The following REC114 variants were observed in gnomAD, a reference collection of about 807,000 sequenced individuals.
The protein encoded by REC114 is REC114 meiotic recombination protein.
A neutral mutation model predicts 31.3 loss-of-function variants in REC114; 27 were observed. The observed-to-expected ratio is 0.86, with a 90% CI of 0.64 to 1.19. The LOEUF is 1.19. Ranked by LOEUF, REC114 falls within the 50% of genes most tolerant of loss-of-function variation. REC114 has a pLI of 0.00. For missense variants in REC114, 344 were observed against 326.9 expected (o/e 1.05, Z -0.40); for synonymous variants, 134 against 127.7 (o/e 1.05, Z -0.33).
At chr15:73,455,509 A>G (rs549718789) in intron 1 of REC114, among the ~76,000 whole-genome samples, 1 of 152,264 alleles carries the variant, frequency 6.6e-6, no homozygotes, top group Non-Finnish European at 1.5e-5. Context: ...AAAAATGTCA[A>G]CTCAAGAGAA....
chr15:73,514,305 C>T (rs9707924), intron 2 of REC114, among the ~76,000 whole-genome samples: 7 of 151,698 alleles, frequency 4.6e-5, no homozygotes, highest in Non-Finnish European at 1.5e-5. Context: ...CTTCGGCTCG[C>T]GCACGGTGCG....
intron 2 of REC114, 77 bp downstream of exon 2, chr15:73,473,998 A>G: frequency 1.1e-6 from 1 of 910,152 alleles, no homozygotes; most frequent in Admixed American, 2.2e-5. Flanking sequence ...TTGTATCCTC[A>G]AGCTTCTTCA....
intron 1 of REC114, among the ~76,000 whole-genome samples, chr15:73,451,095 C>G (rs1393123202): frequency 2.0e-5 from 3 of 152,082 alleles, no homozygotes; most frequent in Non-Finnish European, 1.5e-5. Context: ...CAAGAGCAAA[C>G]AAATTCAAAA....
intron 2 of REC114, among the ~76,000 whole-genome samples, chr15:73,496,045 A>C (rs768635072): frequency 2.6e-5 from 4 of 152,054 alleles, no homozygotes; most frequent in African/African-American, 9.7e-5. Flanking sequence ...TTTTATTTAG[A>C]AATAGTTTCA....
chr15:73,494,990 A>G (rs928033742), intron 2 of REC114, among the ~76,000 whole-genome samples: 1 of 152,196 alleles, frequency 6.6e-6, no homozygotes, highest in African/African-American at 2.4e-5. Flanking sequence ...TGACTTTTAT[A>G]TGAATTTCTT....
At chr15:73,454,224 A>G (rs1179390514) in intron 1 of REC114, among the ~76,000 whole-genome samples, 1 of 152,212 alleles carries the variant, frequency 6.6e-6, no homozygotes, top group African/African-American at 2.4e-5. Context: ...TCAGTGCTAA[A>G]GAGAGTTATT....
intron 5 of REC114, among the ~76,000 whole-genome samples, chr15:73,559,349 C>A (rs1182323184): frequency 6.6e-6 from 1 of 152,222 alleles, no homozygotes; most frequent in African/African-American, 2.4e-5. Context: ...AGGCTGCTCA[C>A]ATCCACTCTG....
intron 2 of REC114, among the ~76,000 whole-genome samples, chr15:73,477,485 T>C (rs1893231377): frequency 6.6e-6 from 1 of 152,158 alleles, no homozygotes; most frequent in Non-Finnish European, 1.5e-5. Context: ...GGTGTGATCA[T>C]AGCTCACTGC....
intron 2 of REC114, among the ~76,000 whole-genome samples, chr15:73,517,369 A>G (rs1487320709): frequency 6.6e-6 from 1 of 152,226 alleles, no homozygotes; most frequent in Non-Finnish European, 1.5e-5. Context: ...TGTGGAGAAG[A>G]GGAAGAGTGG....
At chr15:73,513,936 T>TGGCA (rs1255281820) in intron 2 of REC114, among the ~76,000 whole-genome samples, 4 of 152,070 alleles carry the variant, frequency 2.6e-5, no homozygotes, top group Non-Finnish European at 5.9e-5. Context: ...AAGCCTACAG[T>TGGCA]GGCAGGCAGG....
intron 3 of REC114, among the ~76,000 whole-genome samples, chr15:73,547,529 C>G (rs1258743994): frequency 6.6e-6 from 1 of 152,172 alleles, no homozygotes; most frequent in Non-Finnish European, 1.5e-5. Flanking sequence ...TATGATCCAG[C>G]AATACTACTG....
intron 1 of REC114, among the ~76,000 whole-genome samples, chr15:73,473,128 G>A (rs764041202): frequency 6.6e-6 from 1 of 152,108 alleles, no homozygotes; most frequent in East Asian, 1.9e-4. Context: ...GATGGCTCAC[G>A]CCTGTAATCC....
intron 4 of REC114, among the ~76,000 whole-genome samples, chr15:73,551,591 A>G (rs898558986): frequency 2.6e-5 from 4 of 152,212 alleles, no homozygotes; most frequent in African/African-American, 9.7e-5. Flanking sequence ...TCATGTTCCA[A>G]TCATTCGCAG....
At chr15:73,484,464 C>T (rs1893339456) in intron 2 of REC114, among the ~76,000 whole-genome samples, 1 of 152,186 alleles carries the variant, frequency 6.6e-6, no homozygotes, top group African/African-American at 2.4e-5. Flanking sequence ...GCCATCTTTT[C>T]CTGGATCTCA....
At chr15:73,556,190 T>C (rs1382419601) in intron 4 of REC114, 112 bp from the exon 5 acceptor site, 2 of 866,278 alleles carry the variant, frequency 2.3e-6, no homozygotes, top group African/African-American at 3.4e-5. Context: ...TTTATCACTC[T>C]TAGTGGTATT....
chr15:73,451,918 T>C (rs1477273728), intron 1 of REC114, among the ~76,000 whole-genome samples: 1 of 152,208 alleles, frequency 6.6e-6, no homozygotes, highest in Non-Finnish European at 1.5e-5. Flanking sequence ...AAAAGGCCTT[T>C]GACAAAATTC....
intron 2 of REC114, among the ~76,000 whole-genome samples, chr15:73,527,762 C>T (rs545674963): frequency 6.6e-6 from 1 of 152,268 alleles, no homozygotes; most frequent in African/African-American, 2.4e-5. Context: ...AAACCAAAGA[C>T]CCATGGATAA....
rs1308019348 is a variant in REC114 at position 73,551,170 on chromosome 15, G to A, written c.546+20G>A. On this transcript the variant is annotated intron_variant, in intron 4 of 5. Transcript: ENST00000331090. ...CCTGGAGTAAGTAGGCTGATGTGTTGGTTATACAGGAAACATGACAATGCA... is the reference window on the plus strand; with the variant it reads ...CCTGGAGTAAGTAGGCTGATGTGTTAGTTATACAGGAAACATGACAATGCA... 6 of 1,573,020 alleles carry A rather than the reference G, an allele frequency of 3.8e-6. No homozygotes were observed. The highest frequency in any genetic ancestry group is 4.3e-6 in the Non-Finnish European group (5 of 1,158,416).
chr15:73,555,791 T>A (rs983957252), intron 4 of REC114, among the ~76,000 whole-genome samples: 6 of 152,208 alleles, frequency 3.9e-5, no homozygotes, highest in Admixed American at 6.5e-5. Flanking sequence ...AAATGAGATT[T>A]AAAAAAATCA....
Sources: gnomAD v4.1 joint callset for allele counts (sites outside exome capture counted in the v4.1 genomes callset) on GRCh38, gnomAD v4.1.1 for gene constraint, MANE v1.5 for transcripts, NCBI Gene and HGNC (gene_info 2026-07-23, HGNC 2026-07-21) for gene names.